The following RIMBP2 variants were observed in gnomAD, a reference collection of about 807,000 sequenced individuals.
RIMBP2 encodes the protein RIMS binding protein 2.
A neutral mutation model predicts 118.6 loss-of-function variants in RIMBP2; 48 were observed. The observed-to-expected ratio is 0.40, with a 90% CI of 0.32 to 0.51. The LOEUF (loss-of-function observed/expected upper bound fraction) is 0.51, where lower values mean the gene tolerates loss of function less well. Ranked by LOEUF, RIMBP2 falls within the 20% of genes least tolerant of loss-of-function variation. RIMBP2 has a pLI of 0.41. For synonymous variants in RIMBP2, 762 were observed against 742.9 expected (o/e 1.03, Z -0.42); for missense variants, 1,551 against 1,768.3 (o/e 0.88, Z 2.20).
At chr12:130,666,808 A>G (rs1594172342) in intron 1 of RIMBP2, among the ~76,000 whole-genome samples, 1 of 103,568 alleles carries the variant, frequency 9.7e-6, no homozygotes, top group African/African-American at 3.7e-5. Flanking sequence ...GGAGGAAGGG[A>G]GGGAGGAAGA....
intron 2 of RIMBP2, among the ~76,000 whole-genome samples, chr12:130,548,496 C>T (rs969305427): frequency 1.7e-4 from 26 of 152,268 alleles, no homozygotes; most frequent in African/African-American, 6.3e-4. Context: ...CACAAAACTG[C>T]CCTTAAAATT....
At chr12:130,684,708 T>C (rs184904670) in intron 1 of RIMBP2, among the ~76,000 whole-genome samples, 129 of 152,368 alleles carry the variant, frequency 8.5e-4, no homozygotes, top group African/African-American at 3.0e-3. Flanking sequence ...TCTTGCAAAA[T>C]GTAGTAATTA....
At chr12:130,493,041 G>A (rs1438696874) in intron 4 of RIMBP2, among the ~76,000 whole-genome samples, 1 of 152,124 alleles carries the variant, frequency 6.6e-6, no homozygotes, top group Non-Finnish European at 1.5e-5. Context: ...TGGGGCTCAG[G>A]CAGGAGGATG....
At chr12:130,502,793 G>A (rs1006840642) in intron 4 of RIMBP2, among the ~76,000 whole-genome samples, 5 of 152,168 alleles carry the variant, frequency 3.3e-5, no homozygotes. Context: ...CTGGTACATA[G>A]TGCTCAATCA....
intron 1 of RIMBP2, among the ~76,000 whole-genome samples, chr12:130,691,506 C>CA (rs907616513): frequency 2.8e-4 from 42 of 151,868 alleles, no homozygotes; most frequent in African/African-American, 8.2e-4. Context: ...CCCATCTCTC[C>CA]AAAAAAAATA....
At chr12:130,477,819 G>C (rs1302460012) in intron 5 of RIMBP2, among the ~76,000 whole-genome samples, 1 of 152,236 alleles carries the variant, frequency 6.6e-6, no homozygotes, top group South Asian at 2.1e-4. Context: ...GGATCGAGGG[G>C]CCACCTAGGG....
chr12:130,543,757 GAA>G (rs56394528), intron 2 of RIMBP2, among the ~76,000 whole-genome samples: 8 of 141,552 alleles, frequency 5.7e-5, no homozygotes, highest in African/African-American at 2.1e-4. Context: ...GCACCAGGTG[GAA>G]AAAAAAAAAA....
At chr12:130,574,268 G>T (rs185188848) in intron 2 of RIMBP2, among the ~76,000 whole-genome samples, 1 of 151,928 alleles carries the variant, frequency 6.6e-6, no homozygotes, top group Middle Eastern at 3.2e-3. Flanking sequence ...TGTCCTGTTG[G>T]GGGGGTGGCG....
intron 1 of RIMBP2, among the ~76,000 whole-genome samples, chr12:130,651,028 C>T (rs1048561272): frequency 8.0e-5 from 12 of 150,912 alleles, no homozygotes; most frequent in Admixed American, 2.6e-4. Context: ...GGATGCTTGG[C>T]GGAGGCTGAG....
At chr12:130,455,783 TAAAC>T (rs976868115) in intron 7 of RIMBP2, among the ~76,000 whole-genome samples, 4 of 152,108 alleles carry the variant, frequency 2.6e-5, no homozygotes, top group African/African-American at 7.2e-5. Context: ...ACCAACTTCT[TAAAC>T]AGGTGGGCAG....
Position 130,576,210 on chromosome 12 carries a change from C to A in RIMBP2, c.-217+52112G>T, listed in dbSNP as rs1303591991. ...GCTTTGTATCCTGAGCATGAGAAGACGTCTTTTTTACCTTTCTGTATCTTT... is the reference window on the plus strand; with the variant it reads ...GCTTTGTATCCTGAGCATGAGAAGAAGTCTTTTTTACCTTTCTGTATCTTT... On this transcript the variant is annotated intron_variant, in intron 2 of 22. Coordinates refer to ENST00000690449, the MANE Select transcript of RIMBP2 (RefSeq NM_001393629.1). This position sits in a 1 kb window ranked among gnomAD's most constrained non-coding sequence, Gnocchi z 4.2. Among the ~76,000 whole-genome samples, 1 of 152,172 alleles carries A rather than the reference C, an allele frequency of 6.6e-6. No individual in the cohort carries two copies. Among genetic ancestry groups the A allele is most frequent in the Non-Finnish European group, 1.5e-5 (1 of 68,040 alleles).
intron 2 of RIMBP2, among the ~76,000 whole-genome samples, chr12:130,592,904 G>A (rs1006331696): frequency 3.3e-5 from 5 of 152,112 alleles, no homozygotes; most frequent in Admixed American, 6.5e-5. Context: ...GAGCGAGCGC[G>A]GCTTCCACGC....
At position 130,446,079 on chromosome 12, in the gene RIMBP2, T is replaced by G. The variant is rs191701990; in HGVS notation, c.582-810A>C. ...CCATATTCTCCAGTCCTCAACATAT[T>G]GGGATTAATAATTTTCAAAGCCGTG... On this transcript the variant is annotated intron_variant, in intron 9 of 22. Transcript: ENST00000690449. This position sits in a 1 kb window ranked among gnomAD's most constrained non-coding sequence, Gnocchi z 4.1. Among the ~76,000 whole-genome samples the G allele has an allele frequency of 1.0e-4, 15 of 149,598 alleles. No individual in the cohort carries two copies. In the East Asian group the frequency reaches 3.1e-3, roughly 31 times the overall value.
At position 130,505,374 on chromosome 12, in the gene RIMBP2, A is replaced by C. The variant is rs556870891; in HGVS notation, c.-4+1274T>G. On this transcript the variant is annotated intron_variant, in intron 4 of 22. Coordinates refer to ENST00000690449, the MANE Select transcript of RIMBP2 (RefSeq NM_001393629.1). ...CCCCATGGTTTTGGCACTTTCACAA[A>C]GTTCTGCAGCCATCATTACCATCTA... Among the ~76,000 whole-genome samples the C allele has an allele frequency of 5.9e-5, 9 of 152,094 alleles. No individual in the cohort carries two copies. In the South Asian group the frequency reaches 1.9e-3, roughly 32 times the overall value.
At chr12:130,572,147 T>C (rs1403978344) in intron 2 of RIMBP2, among the ~76,000 whole-genome samples, 1 of 96,192 alleles carries the variant, frequency 1.0e-5, no homozygotes, top group Admixed American at 1.1e-4. Flanking sequence ...CCAGGAGTTA[T>C]GAGGAAGGCC....
chr12:130,527,389 T>C (rs1029432145), intron 2 of RIMBP2, among the ~76,000 whole-genome samples: 2 of 152,210 alleles, frequency 1.3e-5, no homozygotes, highest in African/African-American at 4.8e-5. Context: ...TTTTCAGAAA[T>C]TTGCTTCAAC....
intron 22 of RIMBP2, 140 bp from the exon 23 acceptor site, chr12:130,397,689 T>G: frequency 2.5e-6 from 1 of 394,610 alleles, no homozygotes; most frequent in African/African-American, 2.1e-5. Context: ...AAGTATGCCA[T>G]GAGAAGCAAA....
chr12:130,634,154 G>A (rs370996185), intron 1 of RIMBP2, among the ~76,000 whole-genome samples: 2 of 152,108 alleles, frequency 1.3e-5, no homozygotes, highest in Non-Finnish European at 2.9e-5. Flanking sequence ...TTCCTCAGTC[G>A]CTCTCTTCCC....
At chr12:130,627,585 G>A (rs559188030) in intron 2 of RIMBP2, among the ~76,000 whole-genome samples, 3 of 152,286 alleles carry the variant, frequency 2.0e-5, no homozygotes, top group South Asian at 2.1e-4. Flanking sequence ...GGGCTTCGGC[G>A]CAAACCTGAA....
Sources: allele counts gnomAD v4.1 joint callset (sites outside exome capture counted in the v4.1 genomes callset), GRCh38; gene constraint gnomAD v4.1.1; non-coding constraint Gnocchi (gnomAD v3.1); transcripts MANE v1.5; gene names NCBI Gene and HGNC (gene_info 2026-07-23, HGNC 2026-07-21).